RAB20: variants seen among roughly 807,000 people sequenced by gnomAD.
RAB20 encodes RAB20, member RAS oncogene family, also known as ras-related protein Rab-20.
Under a neutral mutation model 3.7 loss-of-function variants are expected in RAB20, and 2 were observed. The ratio of observed to expected loss-of-function variants is 0.54; its 90% confidence interval spans 0.22 to 1.69. The LOEUF is 1.69. RAB20 is among the 40% of genes most tolerant of loss of function. RAB20 has a pLI of 0.19. For missense variants in RAB20, 276 were observed against 311.9 expected, an observed-to-expected ratio of 0.88 and a Z score of 0.87; for synonymous variants, 126 against 130.8, an observed-to-expected ratio of 0.96 and a Z score of 0.25.
At chr13:110,551,638 C>T (rs370310756) in intron 1 of RAB20, among the ~76,000 whole-genome samples, 2 of 152,118 alleles carry the variant, frequency 1.3e-5, no homozygotes, top group Admixed American at 6.5e-5. Flanking sequence ...ACTCTGTCGT[C>T]GCAGTGATGA....
chr13:110,558,235 G>A (rs896601416), intron 1 of RAB20, among the ~76,000 whole-genome samples: 1 of 152,184 alleles, frequency 6.6e-6, no homozygotes, highest in African/African-American at 2.4e-5. Flanking sequence ...ACCCACCCAT[G>A]CACAGCAACC....
At chr13:110,536,622 G>C (rs1302394813) in intron 1 of RAB20, among the ~76,000 whole-genome samples, 2 of 147,802 alleles carry the variant, frequency 1.4e-5, no homozygotes. Flanking sequence ...GGAGGAGGCA[G>C]GGCCACCTCC....
chr13:110,550,835 T>C (rs1884940274), intron 1 of RAB20, among the ~76,000 whole-genome samples: 1 of 152,176 alleles, frequency 6.6e-6, no homozygotes, highest in East Asian at 1.9e-4. Context: ...TCCTGGTATG[T>C]TAGTCTTTTT....
At chr13:110,558,694 GTTTTTT>G (rs67548367) in intron 1 of RAB20, among the ~76,000 whole-genome samples, 1 of 50,912 alleles carries the variant, frequency 2.0e-5, no homozygotes. Flanking sequence ...CTTCCCATCT[GTTTTTT>G]TTTTTTTTTT....
intron 1 of RAB20, among the ~76,000 whole-genome samples, chr13:110,527,971 C>T (rs149115414): frequency 8.8e-4 from 133 of 150,874 alleles, no homozygotes; most frequent in Middle Eastern, 3.4e-3. Flanking sequence ...GGCATGGTGA[C>T]GCATGCCTGT....
intron 1 of RAB20, among the ~76,000 whole-genome samples, chr13:110,542,749 G>A (rs758000374): frequency 3.9e-5 from 6 of 152,100 alleles, no homozygotes; most frequent in Non-Finnish European, 8.8e-5. Flanking sequence ...TCTGTATCTT[G>A]GCTACTGTGA....
intron 1 of RAB20, among the ~76,000 whole-genome samples, chr13:110,526,936 G>A (rs148581825): frequency 1.6e-3 from 247 of 152,306 alleles, no homozygotes; most frequent in African/African-American, 5.6e-3. Context: ...TGGGCATAGT[G>A]TTCTGAGAAG....
chr13:110,546,157 T>C (rs995720640), intron 1 of RAB20, among the ~76,000 whole-genome samples: 3 of 152,148 alleles, frequency 2.0e-5, no homozygotes, highest in African/African-American at 4.8e-5. Flanking sequence ...GAACCTATGA[T>C]GTGCCAGGAG....
chr13:110,527,708 C>G (rs9634592), intron 1 of RAB20, among the ~76,000 whole-genome samples: 35,788 of 152,012 alleles, frequency 0.24, 4,327 homozygotes, highest in East Asian at 0.32. Flanking sequence ...TGGACCCCAG[C>G]AGGCAGAAAT....
At chr13:110,537,469 C>T (rs1028771756) in intron 1 of RAB20, among the ~76,000 whole-genome samples, 5 of 151,854 alleles carry the variant, frequency 3.3e-5, no homozygotes, top group Middle Eastern at 3.2e-3. Flanking sequence ...CAAAGAAAAA[C>T]GAATGATTTG....
At chr13:110,545,289 C>T (rs1884832873) in intron 1 of RAB20, among the ~76,000 whole-genome samples, 1 of 152,218 alleles carries the variant, frequency 6.6e-6, no homozygotes, top group Non-Finnish European at 1.5e-5. Context: ...CCTATGTCAA[C>T]ACATTTCATG....
chr13:110,554,705 G>A (rs934980432), intron 1 of RAB20, among the ~76,000 whole-genome samples: 1 of 152,200 alleles, frequency 6.6e-6, no homozygotes, highest in African/African-American at 2.4e-5. Flanking sequence ...CAATTGCTCA[G>A]AATCTTGCCT....
intron 1 of RAB20, among the ~76,000 whole-genome samples, chr13:110,557,470 A>C (rs910945607): frequency 2.6e-5 from 4 of 152,172 alleles, no homozygotes; most frequent in Admixed American, 6.5e-5. Context: ...TGTGCTGGAG[A>C]GGAGGCCCTG....
At chr13:110,528,149 A>T (rs888377713) in intron 1 of RAB20, among the ~76,000 whole-genome samples, 7 of 151,666 alleles carry the variant, frequency 4.6e-5, no homozygotes, top group Admixed American at 4.6e-4. Flanking sequence ...AAGGCCGGAG[A>T]CTCATGCCTG....
chr13:110,555,030 C>T lies in RAB20; in HGVS notation c.172+6318G>A, dbSNP rs538959387. On this transcript the variant is annotated intron_variant, in intron 1 of 1. Transcript: ENST00000267328. The surrounding 1 kb of genome is among the most constrained non-coding windows in gnomAD (Gnocchi z 4.0). ...AGCGACTGTGGGAGCCGCCTCCCCT[C>T]TGTAAGATGCTGCTTCCCAGTCTGT... 2.9e-3 allele frequency among the ~76,000 whole-genome samples: 435 copies of T among 152,170 alleles called. 2 individuals carry two copies. The highest frequency in any genetic ancestry group is 5.7e-3 in the Admixed American group (87 of 15,286).
chr13:110,532,806 G>A (rs1884566459), intron 1 of RAB20, among the ~76,000 whole-genome samples: 1 of 152,162 alleles, frequency 6.6e-6, no homozygotes, highest in Non-Finnish European at 1.5e-5. Flanking sequence ...AGCCTCCCGA[G>A]TAGCTGGGAC....
chr13:110,558,612 C>G (rs1479189018), intron 1 of RAB20, among the ~76,000 whole-genome samples: 1 of 151,552 alleles, frequency 6.6e-6, no homozygotes, highest in Non-Finnish European at 1.5e-5. Context: ...GAACTCCTGA[C>G]CTTAGGTGAT....
intron 1 of RAB20, among the ~76,000 whole-genome samples, chr13:110,535,556 G>A (rs1417819069): frequency 2.0e-5 from 3 of 152,246 alleles, no homozygotes; most frequent in Non-Finnish European, 2.9e-5. Flanking sequence ...CTCTACTGGC[G>A]AGATTGGAAC....
intron 1 of RAB20, among the ~76,000 whole-genome samples, chr13:110,534,685 T>C (rs1260220614): frequency 1.3e-5 from 2 of 152,188 alleles, no homozygotes; most frequent in Admixed American, 1.3e-4. Context: ...CCAGGGGGCT[T>C]CCTAGCAGGC....
Sources: gnomAD v4.1 joint callset for allele counts (sites outside exome capture counted in the v4.1 genomes callset) on GRCh38, gnomAD v4.1.1 for gene constraint, Gnocchi (gnomAD v3.1) non-coding constraint, MANE v1.5 for transcripts, NCBI Gene and HGNC (gene_info 2026-07-23, HGNC 2026-07-21) for gene names.